Variants in CTNNA2 observed in about 807,000 individuals in gnomAD.
CTNNA2 encodes catenin alpha-2.
A neutral mutation model predicts 101.0 loss-of-function variants in CTNNA2; 42 were observed. That is an observed-to-expected ratio of 0.42 (90% CI 0.32 to 0.54). The LOEUF is 0.54. Ranked by LOEUF, CTNNA2 falls within the 20% of genes least tolerant of loss-of-function variation. CTNNA2 has a pLI of 0.14. For missense variants in CTNNA2, 871 were observed against 1,223.1 expected (o/e 0.71, Z 4.29); for synonymous variants, 450 against 456.4 (o/e 0.99, Z 0.18).
intron 7 of CTNNA2, among the ~76,000 whole-genome samples, chr2:79,940,215 T>C (rs1688062912): frequency 6.6e-6 from 1 of 152,190 alleles, no homozygotes; most frequent in Non-Finnish European, 1.5e-5. Flanking sequence ...TTTTAGTATT[T>C]AGGAGCAGGA....
rs368804321 is a variant in CTNNA2, at chr2:79,815,921, A to G, written c.299-42092A>G. Reference sequence around the variant, plus strand: ...GTATGTGTTTCCATTTGTTTGTGTCATCTATTTCTTTCAGCAGTGTTTTGT... The same window carrying G: ...GTATGTGTTTCCATTTGTTTGTGTCGTCTATTTCTTTCAGCAGTGTTTTGT... On this transcript the variant is annotated intron_variant, in intron 3 of 18. Transcript: ENST00000402739. Among the ~76,000 whole-genome samples the G allele has an allele frequency of 5.3e-5, 8 of 151,824 alleles. No individual in the cohort carries two copies. The East Asian group carries it at 1.4e-3, about 26-fold the overall frequency.
At chr2:80,381,664 CAA>C (rs962926352) in intron 7 of CTNNA2, among the ~76,000 whole-genome samples, 3 of 152,154 alleles carry the variant, frequency 2.0e-5, no homozygotes, top group African/African-American at 7.2e-5. Flanking sequence ...CCCTAGGATG[CAA>C]AGAGTCCTTG....
intron 8 of CTNNA2, among the ~76,000 whole-genome samples, chr2:80,394,765 T>C (rs1427548063): frequency 7.2e-6 from 1 of 138,064 alleles, no homozygotes; most frequent in Non-Finnish European, 1.5e-5. Context: ...ATCTGCAAAC[T>C]CTTTTTTTTT....
intron 7 of CTNNA2, among the ~76,000 whole-genome samples, chr2:80,051,306 A>C (rs958314074): frequency 6.6e-6 from 1 of 152,168 alleles, no homozygotes; most frequent in Non-Finnish European, 1.5e-5. Flanking sequence ...GGTGCATCCA[A>C]TTCTTCTTTT....
chr2:79,264,413 C>G (rs539788584), intron 2 of CTNNA2, among the ~76,000 whole-genome samples: 1 of 98,258 alleles, frequency 1.0e-5, no homozygotes, highest in Admixed American at 8.9e-5. Flanking sequence ...TAGGACATGG[C>G]TAATTTTTTT....
At chr2:80,609,360 A>G (rs181552448) in intron 17 of CTNNA2, among the ~76,000 whole-genome samples, 1 of 151,886 alleles carries the variant, frequency 6.6e-6, no homozygotes, top group Non-Finnish European at 1.5e-5. Context: ...CAGAAAACAT[A>G]GCTGGGAAAA....
At chr2:80,127,465 A>C (rs538414915) in intron 7 of CTNNA2, among the ~76,000 whole-genome samples, 150 of 152,264 alleles carry the variant, frequency 9.9e-4, no homozygotes, top group Non-Finnish European at 6.3e-4. Flanking sequence ...CTTTCCCTCC[A>C]ACCATCTAAC....
At chr2:80,075,940 G>T (rs1487342478) in intron 7 of CTNNA2, among the ~76,000 whole-genome samples, 1 of 151,574 alleles carries the variant, frequency 6.6e-6, no homozygotes, top group Admixed American at 6.6e-5. Context: ...GTACCGAATG[G>T]CTGGAGACAA....
intron 4 of CTNNA2, among the ~76,000 whole-genome samples, chr2:79,412,602 C>G (rs1353752670): frequency 6.6e-6 from 1 of 150,946 alleles, no homozygotes; most frequent in African/African-American, 2.4e-5. Context: ...CACTCAAAAC[C>G]GCTCAACTAC....
At chr2:79,522,052 G>A (rs976052149) in intron 1 of CTNNA2, among the ~76,000 whole-genome samples, 3 of 152,150 alleles carry the variant, frequency 2.0e-5, no homozygotes, top group Non-Finnish European at 4.4e-5. Context: ...AGGACCTCAG[G>A]CAAGAAGATT....
chr2:79,325,393 G>A (rs767548543), intron 3 of CTNNA2, among the ~76,000 whole-genome samples: 5 of 152,252 alleles, frequency 3.3e-5, no homozygotes, highest in South Asian at 2.1e-4. Context: ...CCAAGAGTTC[G>A]TACAAAAATA....
intron 1 of CTNNA2, among the ~76,000 whole-genome samples, chr2:79,537,898 C>A (rs907102991): frequency 1.3e-5 from 2 of 151,690 alleles, no homozygotes; most frequent in Non-Finnish European, 2.9e-5. Flanking sequence ...TAATTTTATA[C>A]CCCAAGTTGA....
rs111938353 is a variant in CTNNA2 at position 80,151,031 on chromosome 2, C to A, written c.1056+241234C>A. ...GAATCCACAGAGGGCCATCCCTGGG[C>A]AAAAATGAAGAAGTAGGCAGGGGCA... On this transcript the variant is annotated intron_variant, in intron 7 of 18. Coordinates refer to ENST00000402739, the MANE Select transcript of CTNNA2 (RefSeq NM_001282597.3). 5.0e-3 allele frequency among the ~76,000 whole-genome samples: 767 copies of A among 152,222 alleles called. 9 individuals carry two copies. Among genetic ancestry groups the A allele is most frequent in the African/African-American group, 0.017 (718 of 41,516 alleles).
chr2:79,635,340 G>C (rs1462962632), intron 1 of CTNNA2, among the ~76,000 whole-genome samples: 2 of 151,884 alleles, frequency 1.3e-5, no homozygotes, highest in African/African-American at 4.8e-5. Context: ...GCTGAGGCAG[G>C]AGAATGGCGT....
intron 12 of CTNNA2, among the ~76,000 whole-genome samples, chr2:80,558,210 A>G (rs1693216509): frequency 6.6e-6 from 1 of 152,204 alleles, no homozygotes; most frequent in Non-Finnish European, 1.5e-5. Flanking sequence ...AAGGTATACA[A>G]TTTCTTTGGT....
At chr2:79,331,418 C>T (rs1003375195) in intron 3 of CTNNA2, among the ~76,000 whole-genome samples, 1 of 152,212 alleles carries the variant, frequency 6.6e-6, no homozygotes, top group Non-Finnish European at 1.5e-5. Context: ...ACAGCCCTAA[C>T]TTATACCCTA....
chr2:79,957,578 A>G lies in CTNNA2; in HGVS notation c.1056+47781A>G, dbSNP rs191953367. On this transcript the variant is annotated intron_variant, in intron 7 of 18. Coordinates refer to ENST00000402739, the MANE Select transcript of CTNNA2 (RefSeq NM_001282597.3). ...CCCATACCTCTTCAGGGCCAGGAGTAATAAAGTCTTCTCCTTCCTTCCTGC... is the reference window on the plus strand; with the variant it reads ...CCCATACCTCTTCAGGGCCAGGAGTGATAAAGTCTTCTCCTTCCTTCCTGC... 2.6e-5 allele frequency among the ~76,000 whole-genome samples: 4 copies of G among 152,296 alleles called. No individual in the cohort carries two copies. The East Asian group carries it at 5.8e-4, about 22-fold the overall frequency.
chr2:79,642,993 C>T (rs111259381), intron 1 of CTNNA2, among the ~76,000 whole-genome samples: 1 of 152,030 alleles, frequency 6.6e-6, no homozygotes, highest in Non-Finnish European at 1.5e-5. Flanking sequence ...GAGATTGAGA[C>T]CATCCTGGCC....
intron 7 of CTNNA2, among the ~76,000 whole-genome samples, chr2:80,220,756 C>G (rs577836905): frequency 1.3e-5 from 2 of 152,348 alleles, no homozygotes; most frequent in Admixed American, 1.3e-4. Context: ...ACCCTCTCAT[C>G]AGAAGTTAGA....
Sources: allele counts gnomAD v4.1 joint callset (sites outside exome capture counted in the v4.1 genomes callset), GRCh38; gene constraint gnomAD v4.1.1; transcripts MANE v1.5; gene names NCBI Gene and HGNC (gene_info 2026-07-23, HGNC 2026-07-21).